The following SSBP3 variants were observed in gnomAD, a reference collection of about 807,000 sequenced individuals.
The protein encoded by SSBP3 is single-stranded DNA-binding protein 3.
SSBP3 carries 5 observed loss-of-function variants against 69.6 expected under a neutral mutation model. The observed-to-expected ratio is 0.07, with a 90% CI of 0.04 to 0.15. The LOEUF is 0.15. SSBP3 is among the 10% of genes least tolerant of loss of function. The pLI, the probability that SSBP3 is intolerant of heterozygous loss-of-function variation, is 1.00. For synonymous variants in SSBP3, 196 were observed against 193.4 expected (o/e 1.01, Z -0.11); for missense variants, 312 against 534.0 (o/e 0.58, Z 4.10).
At chr1:54,297,681 C>T (rs1645726176) in intron 4 of SSBP3, among the ~76,000 whole-genome samples, 1 of 152,162 alleles carries the variant, frequency 6.6e-6, no homozygotes, top group Non-Finnish European at 1.5e-5. Flanking sequence ...GCCACCATCC[C>T]CATCACCCTG....
chr1:54,406,268 TGCCGCC>T (rs912319291), exon 1 of SSBP3: 1 of 314,212 alleles, frequency 3.2e-6, no homozygotes, highest in Middle Eastern at 8.8e-4. Flanking sequence ...GGCCTGGGGG[TGCCGCC>T]GCCGCCGCCC....
chr1:54,396,438 T>C (rs72665967), intron 4 of SSBP3, among the ~76,000 whole-genome samples: 2,929 of 152,248 alleles, frequency 0.019, 46 homozygotes, highest in African/African-American at 0.042. Flanking sequence ...ATTTCTGTTA[T>C]CTTGGCTGAC....
chr1:54,310,149 G>A lies in SSBP3; in HGVS notation c.277-28622C>T, dbSNP rs373783250. Reference sequence around the variant, plus strand: ...CCGAGCAGGTGAACACCATCTGCCCGGCTGACAAGATGCCCGTCTTAGTGC... The same window carrying A: ...CCGAGCAGGTGAACACCATCTGCCCAGCTGACAAGATGCCCGTCTTAGTGC... On this transcript the variant is annotated intron_variant, in intron 4 of 17. Transcript: ENST00000610401. 8.3e-4 allele frequency among the ~76,000 whole-genome samples: 127 copies of A among 152,298 alleles called. No homozygotes were observed. The Middle Eastern group carries it at 0.01, about 12-fold the overall frequency.
intron 12 of SSBP3, 124 bp from the exon 13 acceptor site, chr1:54,241,083 C>G: frequency 9.5e-7 from 1 of 1,050,320 alleles, no homozygotes; most frequent in Non-Finnish European, 1.4e-6. Context: ...ATTCATCTTG[C>G]TACACCCCCA....
chr1:54,328,795 A>C (rs1355783460), intron 4 of SSBP3, among the ~76,000 whole-genome samples: 1 of 152,104 alleles, frequency 6.6e-6, no homozygotes, highest in East Asian at 1.9e-4. Context: ...GACCTTAAAG[A>C]AGCTGAGAAG....
chr1:54,336,892 A>G (rs2100493968), intron 4 of SSBP3, among the ~76,000 whole-genome samples: 1 of 152,330 alleles, frequency 6.6e-6, no homozygotes, highest in South Asian at 2.1e-4. Flanking sequence ...GACAGGGCTG[A>G]GCCCAATTCA....
intron 4 of SSBP3, among the ~76,000 whole-genome samples, chr1:54,321,542 G>A (rs1646214114): frequency 6.6e-6 from 1 of 152,192 alleles, no homozygotes; most frequent in Non-Finnish European, 1.5e-5. Flanking sequence ...AAACAAGTAG[G>A]GCAACTCTCA....
At chr1:54,327,293 A>AACAACAACAACAACAACT (rs1315240746) in intron 4 of SSBP3, among the ~76,000 whole-genome samples, 5 of 151,414 alleles carry the variant, frequency 3.3e-5, no homozygotes, top group African/African-American at 9.7e-5. Context: ...GAACAACAAC[A>AACAACAACAACAACAACT]AAAAACCCCC....
At chr1:54,373,450 A>T (rs1438896632) in intron 4 of SSBP3, among the ~76,000 whole-genome samples, 1 of 152,198 alleles carries the variant, frequency 6.6e-6, no homozygotes, top group Admixed American at 6.5e-5. Context: ...TAGAAGGGTC[A>T]GCAAAGAGTT....
chr1:54,402,685 T>G (rs1248760556), intron 3 of SSBP3, among the ~76,000 whole-genome samples: 4 of 152,146 alleles, frequency 2.6e-5, no homozygotes. Flanking sequence ...CAGAAGCACC[T>G]GTCAGCAAAG....
At position 54,269,770 on chromosome 1, in the gene SSBP3, G is replaced by A. The variant is rs571332869; in HGVS notation, c.367-11621C>T. ...AGCCAGCAGCTCTGGTGCTTGCCCT[G>A]TGGAACAACAGCTGGTCCAACAGTG... On this transcript the variant is annotated intron_variant, in intron 5 of 17. Coordinates refer to ENST00000610401, the Ensembl canonical transcript of SSBP3. Among the ~76,000 whole-genome samples, 19 of 152,346 alleles carry A rather than the reference G, an allele frequency of 1.2e-4. 1 individual carries two copies. In the South Asian group the frequency reaches 3.3e-3, roughly 27 times the overall value.
At chr1:54,303,329 G>A (rs547496345) in intron 4 of SSBP3, among the ~76,000 whole-genome samples, 7 of 152,098 alleles carry the variant, frequency 4.6e-5, no homozygotes, top group Non-Finnish European at 7.3e-5. Context: ...CTGATGCCTC[G>A]CTGCCCTTGT....
intron 4 of SSBP3, among the ~76,000 whole-genome samples, chr1:54,358,066 G>A (rs1195104203): frequency 6.6e-6 from 1 of 152,208 alleles, no homozygotes; most frequent in Non-Finnish European, 1.5e-5. Flanking sequence ...ATCTGGGACA[G>A]GACAGGAGCT....
At chr1:54,405,118 G>A (rs1011361819) in intron 1 of SSBP3, among the ~76,000 whole-genome samples, 188 bp from the exon 2 acceptor site, 3 of 152,152 alleles carry the variant, frequency 2.0e-5, no homozygotes, top group Non-Finnish European at 2.9e-5. Context: ...TGGGGACCAG[G>A]GAACGCGTTA....
chr1:54,318,669 T>C (rs1646158303), intron 4 of SSBP3, among the ~76,000 whole-genome samples: 1 of 152,082 alleles, frequency 6.6e-6, no homozygotes, highest in Admixed American at 6.5e-5. Flanking sequence ...AGGAGAGGAA[T>C]GTGTCCATAG....
At chr1:54,300,193 C>G (rs1288887505) in intron 4 of SSBP3, among the ~76,000 whole-genome samples, 1 of 152,112 alleles carries the variant, frequency 6.6e-6, no homozygotes, top group Admixed American at 6.5e-5. Flanking sequence ...CCTCAAAGAC[C>G]CTCTCCAACT....
chr1:54,238,838 T>C (rs1570219013), intron 14 of SSBP3: 1 of 404,986 alleles, frequency 2.5e-6, no homozygotes, highest in South Asian at 2.2e-5. Context: ...ACCTACAGCA[T>C]GGCGCTTCCC....
chr1:54,239,156 T>C lies in SSBP3; in HGVS notation c.900A>G (p.Pro300=), dbSNP rs60925522. 15,102 of 1,614,068 alleles carry C rather than the reference T, an allele frequency of 9.4e-3. 566 individuals are homozygous for C. The African/African-American group carries it at 0.11, about 12-fold the overall frequency. Residue 300 remains proline, a synonymous_variant, in exon 14 of 18, where the codon CCA becomes CCG. Coordinates refer to ENST00000610401, the Ensembl canonical transcript of SSBP3. ...TGGACCGGCTGCCTCCAGGCGGCAC[T>C]GGATTAATCATTGTGTAGATGTTGT...
At chr1:54,394,281 G>T (rs1241398719) in intron 4 of SSBP3, among the ~76,000 whole-genome samples, 1 of 152,126 alleles carries the variant, frequency 6.6e-6, no homozygotes, top group South Asian at 2.1e-4. Flanking sequence ...AAGAACACTA[G>T]GTGACCTCCA....
Sources: gnomAD v4.1 joint callset for allele counts (sites outside exome capture counted in the v4.1 genomes callset) on GRCh38, gnomAD v4.1.1 for gene constraint, MANE v1.5 for transcripts, NCBI Gene and HGNC (gene_info 2026-07-23, HGNC 2026-07-21) for gene names.